LUZP2: variants seen among roughly 807,000 people sequenced by gnomAD.
The protein encoded by LUZP2 is leucine zipper protein 2.
LUZP2 carries 52 observed loss-of-function variants against 51.6 expected under a neutral mutation model. The ratio of observed to expected loss-of-function variants is 1.01; its 90% CI spans 0.81 to 1.27. LUZP2 has a LOEUF of 1.27. LUZP2 is among the 50% of genes most tolerant of loss of function. LUZP2 has a pLI of 0.00. For synonymous variants in LUZP2, 154 were observed against 137.3 expected, an observed-to-expected ratio of 1.12 and a Z score of -0.85; for missense variants, 436 against 395.4, an observed-to-expected ratio of 1.10 and a Z score of -0.87.
chr11:24,574,895 G>T (rs1157453539), intron 1 of LUZP2, among the ~76,000 whole-genome samples: 1 of 152,042 alleles, frequency 6.6e-6, no homozygotes, highest in Non-Finnish European at 1.5e-5. Context: ...ATTTAAAATT[G>T]CAAGTTTGTA....
At chr11:24,701,930 A>G (rs1312215979) in intron 1 of LUZP2, among the ~76,000 whole-genome samples, 2 of 152,202 alleles carry the variant, frequency 1.3e-5, no homozygotes. Flanking sequence ...TGTCTTGAAC[A>G]TTTAAAATTA....
intron 9 of LUZP2, among the ~76,000 whole-genome samples, chr11:25,047,031 G>T (rs12795440): frequency 0.48 from 72,542 of 151,916 alleles, 17,611 homozygotes; most frequent in Non-Finnish European, 0.51. Flanking sequence ...AATTTGCAAG[G>T]AAATTTTGGG....
chr11:24,680,888 C>T (rs926544499), intron 1 of LUZP2, among the ~76,000 whole-genome samples: 2 of 152,126 alleles, frequency 1.3e-5, no homozygotes, highest in African/African-American at 2.4e-5. Context: ...GCTTCTCAAA[C>T]TTTGGACTGC....
intron 5 of LUZP2, among the ~76,000 whole-genome samples, chr11:24,838,196 T>C (rs1850914429): frequency 6.6e-6 from 1 of 151,660 alleles, no homozygotes; most frequent in African/African-American, 2.4e-5. Flanking sequence ...CAAGGAAATA[T>C]TACACACTAC....
intron 5 of LUZP2, among the ~76,000 whole-genome samples, chr11:24,787,063 C>T (rs1849268424): frequency 6.6e-6 from 1 of 152,160 alleles, no homozygotes; most frequent in Admixed American, 6.6e-5. Flanking sequence ...GACAAAATCT[C>T]TGTTCCCTGC....
chr11:24,897,683 C>T (rs1448535754), intron 5 of LUZP2, among the ~76,000 whole-genome samples: 1 of 152,206 alleles, frequency 6.6e-6, no homozygotes, highest in African/African-American at 2.4e-5. Flanking sequence ...CTGTGAGCGA[C>T]TGTGGCTTCC....
chr11:24,512,130 C>T (rs958403970), intron 1 of LUZP2, among the ~76,000 whole-genome samples: 1 of 152,016 alleles, frequency 6.6e-6, no homozygotes, highest in Non-Finnish European at 1.5e-5. Context: ...GTATATTGGG[C>T]TGAACAGGGG....
At position 24,880,094 on chromosome 11, in the gene LUZP2, A is replaced by G. The variant is rs980448580; in HGVS notation, c.397-25897A>G. Among the ~76,000 whole-genome samples, 27 of 152,196 alleles carry G rather than the reference A, an allele frequency of 1.8e-4. 2 individuals carry two copies. The highest frequency in any genetic ancestry group is 2.4e-5 in the African/African-American group (1 of 41,460). ...TTTATTTAGAGCCCCAAAGCACTTT[A>G]GGCCATGGTGGTGATGCCTGCCAAA... On this transcript the variant is annotated intron_variant, in intron 5 of 11. Transcript: ENST00000336930.
At chr11:24,522,546 T>A (rs1850676171) in intron 1 of LUZP2, among the ~76,000 whole-genome samples, 1 of 152,116 alleles carries the variant, frequency 6.6e-6, no homozygotes, top group African/African-American at 2.4e-5. Flanking sequence ...GGCTTCTTAG[T>A]ATCCTGTATA....
At chr11:25,002,876 G>A (rs1289544415) in intron 9 of LUZP2, among the ~76,000 whole-genome samples, 1 of 152,026 alleles carries the variant, frequency 6.6e-6, no homozygotes, top group Non-Finnish European at 1.5e-5. Flanking sequence ...TGCCCTCTGG[G>A]TCTCCTTGAT....
chr11:24,666,637 A>G (rs1307945098), intron 1 of LUZP2, among the ~76,000 whole-genome samples: 2 of 152,334 alleles, frequency 1.3e-5, no homozygotes, highest in African/African-American at 2.4e-5. Flanking sequence ...ACAAAGTTAT[A>G]TAATTGGATC....
intron 1 of LUZP2, among the ~76,000 whole-genome samples, chr11:24,603,266 C>G (rs1224799032): frequency 1.3e-5 from 2 of 151,788 alleles, no homozygotes; most frequent in African/African-American, 4.8e-5. Flanking sequence ...TTGCATCTGA[C>G]TCCACAATGT....
chr11:24,967,245 T>A (rs949017736), intron 7 of LUZP2, among the ~76,000 whole-genome samples: 30 of 151,868 alleles, frequency 2.0e-4, no homozygotes, highest in African/African-American at 7.0e-4. Context: ...GGAATTACAG[T>A]CTGTTTGTAT....
chr11:24,889,046 C>A (rs776010907), intron 5 of LUZP2, among the ~76,000 whole-genome samples: 1 of 152,182 alleles, frequency 6.6e-6, no homozygotes, highest in Non-Finnish European at 1.5e-5. Context: ...CACACTAATA[C>A]ACCATCCAAT....
chr11:25,006,604 G>T (rs925514107), intron 9 of LUZP2, among the ~76,000 whole-genome samples: 1 of 152,120 alleles, frequency 6.6e-6, no homozygotes, highest in Non-Finnish European at 1.5e-5. Flanking sequence ...GCCAACATGT[G>T]CCCGGTATTT....
rs531225024 is a variant in LUZP2, at chr11:24,551,289, C to A, written c.62+53984C>A. Among the ~76,000 whole-genome samples, 4 of 151,976 alleles carry A rather than the reference C, an allele frequency of 2.6e-5. No homozygotes were observed. In the East Asian group the frequency reaches 7.7e-4, roughly 29 times the overall value. Reference sequence around the variant, plus strand: ...AATAAAGTACTGATCTATGTTACAACATGGATGAACCTTGAACACATTATG... The same window carrying A: ...AATAAAGTACTGATCTATGTTACAAAATGGATGAACCTTGAACACATTATG... On this transcript the variant is annotated intron_variant, in intron 1 of 11. Transcript: ENST00000336930.
intron 5 of LUZP2, among the ~76,000 whole-genome samples, chr11:24,867,382 A>G (rs1439100987): frequency 6.6e-6 from 1 of 152,208 alleles, no homozygotes; most frequent in East Asian, 1.9e-4. Flanking sequence ...TTTAGTGTCT[A>G]TTTTGCCTCT....
intron 5 of LUZP2, among the ~76,000 whole-genome samples, chr11:24,902,655 A>C (rs79368950): frequency 0.049 from 7,498 of 152,262 alleles, 457 homozygotes; most frequent in African/African-American, 0.14. Flanking sequence ...CTGAGAAATC[A>C]GTGTGAGAAG....
rs367720356 is a variant in LUZP2, at chr11:24,806,669, C to T, written c.396+43361C>T. The stretch of plus-strand genomic sequence containing the variant: ...GCAATGTGGACTCAAATAGGTAGTT[C>T]CCAGTTATTTACAATCCTGTTGATA... On this transcript the variant is annotated intron_variant, in intron 5 of 11. Transcript: ENST00000336930. 2.5e-4 allele frequency among the ~76,000 whole-genome samples: 38 copies of T among 152,162 alleles called. No individual in the cohort carries two copies. In the Middle Eastern group the frequency reaches 0.014, roughly 54 times the overall value.
Sources: gnomAD v4.1 joint callset for allele counts (sites outside exome capture counted in the v4.1 genomes callset) on GRCh38, gnomAD v4.1.1 for gene constraint, MANE v1.5 for transcripts, NCBI Gene and HGNC (gene_info 2026-07-23, HGNC 2026-07-21) for gene names.